The following SPEN variants were observed in gnomAD, a reference collection of about 807,000 sequenced individuals.
SPEN encodes the protein spen family transcriptional repressor.
In SPEN, 18 loss-of-function variants were observed where a neutral mutation model predicts 269.9. The observed-to-expected ratio is 0.07, with a 90% CI of 0.05 to 0.10. SPEN has a LOEUF of 0.10. Ranked by LOEUF, SPEN falls within the 10% of genes least tolerant of loss-of-function variation. The pLI, the probability that SPEN is intolerant of heterozygous loss-of-function variation, is 1.00. For missense variants in SPEN, 3,822 were observed against 4,631.2 expected, an observed-to-expected ratio of 0.83 and a Z score of 5.07; for synonymous variants, 1,726 against 1,765.7, an observed-to-expected ratio of 0.98 and a Z score of 0.56.
intron 1 of SPEN, among the ~76,000 whole-genome samples, chr1:15,864,612 T>G (rs2070481337): frequency 2.1e-5 from 3 of 145,624 alleles, no homozygotes; most frequent in East Asian, 2.0e-4. Flanking sequence ...TGTGGGTTTT[T>G]TTTTTTTTTT....
chr1:15,922,417 A>G (rs1327889136), intron 10 of SPEN, 68 bp downstream of exon 10: 2 of 1,074,724 alleles, frequency 1.9e-6, no homozygotes, highest in Non-Finnish European at 2.7e-6. Flanking sequence ...TTAAGATGGC[A>G]TTAAATTTTA....
At chr1:15,858,893 G>A (rs1407508358) in intron 1 of SPEN, among the ~76,000 whole-genome samples, 4 of 152,160 alleles carry the variant, frequency 2.6e-5, no homozygotes, top group Non-Finnish European at 5.9e-5. Context: ...GCAGTGAGCC[G>A]ATACTGCGCT....
intron 13 of SPEN, 38 bp downstream of exon 13, chr1:15,938,044 T>C (rs764119209): frequency 2.1e-5 from 32 of 1,551,474 alleles, no homozygotes; most frequent in Admixed American, 6.1e-5. Flanking sequence ...CTGCCCCACC[T>C]ACAGGGAGGA....
chr1:15,920,078 A>G (rs1045369855), intron 8 of SPEN, among the ~76,000 whole-genome samples: 34 of 148,866 alleles, frequency 2.3e-4, no homozygotes, highest in Non-Finnish European at 2.1e-4. Context: ...TTATTTATTT[A>G]TTTTTAATTG....
At chr1:15,854,060 C>T (rs1254896045) in intron 1 of SPEN, among the ~76,000 whole-genome samples, 1 of 152,110 alleles carries the variant, frequency 6.6e-6, no homozygotes, top group Non-Finnish European at 1.5e-5. Context: ...CTCTGCCTCC[C>T]AAAGTGCTGG....
intron 1 of SPEN, among the ~76,000 whole-genome samples, chr1:15,858,297 CT>C (rs1291615340): frequency 2.0e-5 from 3 of 152,100 alleles, no homozygotes; most frequent in Non-Finnish European, 4.4e-5. Flanking sequence ...CCCACATCCC[CT>C]TTTCCCAAAT....
At chr1:15,856,152 G>T (rs1346089493) in intron 1 of SPEN, among the ~76,000 whole-genome samples, 1 of 151,322 alleles carries the variant, frequency 6.6e-6, no homozygotes, top group Non-Finnish European at 1.5e-5. Context: ...ACCACACCCG[G>T]CTAATTTTTT....
intron 1 of SPEN, among the ~76,000 whole-genome samples, chr1:15,865,352 G>A (rs1204252651): frequency 6.6e-6 from 1 of 150,770 alleles, no homozygotes; most frequent in Non-Finnish European, 1.5e-5. Flanking sequence ...CACGCCTGGC[G>A]AGTGTGTTTG....
At chr1:15,909,892 G>A (rs1340165506) in intron 4 of SPEN, among the ~76,000 whole-genome samples, 4 of 151,932 alleles carry the variant, frequency 2.6e-5, no homozygotes, top group Non-Finnish European at 4.4e-5. Context: ...TTGGGAGGCC[G>A]AGGCGGGCGG....
In SPEN at chr1:15,935,984, C is replaced by T. The variant is rs1407229457; in HGVS notation, c.9744C>T (p.Ala3248=). The change falls in exon 11 of 15, where the codon GCC becomes GCT. Residue 3248 remains alanine (A), a synonymous_variant. Coordinates refer to ENST00000375759, the MANE Select transcript of SPEN (RefSeq NM_015001.3). The surrounding 1 kb of genome is among the most constrained non-coding windows in gnomAD (Gnocchi z 7.7). ...DAKAAPTPTP[A]PVPVPVPLPA... ...AAGCTGCCCCCACCCCCACCCCTGC[C>T]CCCGTCCCTGTCCCTGTCCCCCTTC... 1.9e-6 allele frequency: 3 copies of T among 1,585,030 alleles called. No homozygotes were observed. Among genetic ancestry groups the T allele is most frequent in the Non-Finnish European group, 1.7e-6 (2 of 1,166,820 alleles).
intron 1 of SPEN, among the ~76,000 whole-genome samples, chr1:15,871,045 C>A (rs1409023009): frequency 6.6e-6 from 1 of 151,662 alleles, no homozygotes; most frequent in Non-Finnish European, 1.5e-5. Flanking sequence ...CGGCCCACTG[C>A]GTCCTCACCG....
chr1:15,849,552 G>T (rs573962958), intron 1 of SPEN, among the ~76,000 whole-genome samples: 5 of 152,154 alleles, frequency 3.3e-5, no homozygotes, highest in Non-Finnish European at 7.3e-5. Context: ...CGGCAGGCCG[G>T]GGGGAGGTGC....
chr1:15,876,173 TTAAA>T (rs760239460), intron 2 of SPEN, 25 bp from the exon 3 acceptor site: 1 of 1,560,838 alleles, frequency 6.4e-7, no homozygotes, highest in East Asian at 2.3e-5. Context: ...TCCTTTCTGA[TTAAA>T]TATTTTTCCC....
chr1:15,930,256 G>A lies in SPEN; in HGVS notation c.4016G>A (p.Arg1339His), dbSNP rs199784733. 56 of 1,614,036 alleles carry A rather than the reference G, an allele frequency of 3.5e-5. No individual in the cohort carries two copies. Among genetic ancestry groups the A allele is most frequent in the Non-Finnish European group, 4.2e-5 (49 of 1,180,032 alleles). The change falls in exon 11 of 15, where the codon CGT becomes CAT. Residue 1339 changes from arginine (R) to histidine (H), a missense_variant. Coordinates refer to ENST00000375759, the MANE Select transcript of SPEN (RefSeq NM_015001.3). This position sits in a 1 kb window ranked among gnomAD's most constrained non-coding sequence, Gnocchi z 5.3. ...SVLNSEDELN[R>H]WDSQMKQDAG... The stretch of plus-strand genomic sequence containing the variant: ...TTGAATTCTGAAGATGAACTAAATC[G>A]TTGGGACTCTCAGATGAAACAGGAT...
Position 15,930,577 on chromosome 1 carries a change from C to G in SPEN, c.4337C>G (p.Ala1446Gly). ...LDKTITPDTK[A>G]LLERAKSLSS... ...AAGACAATCACACCAGACACTAAAG[C>G]TTTGCTTGAAAGAGCTAAATCCCTC... The change falls in exon 11 of 15, where the codon GCT becomes GGT. Residue 1446 changes from alanine to glycine, a missense_variant. Around this residue, in one of 16 missense-constraint regions of SPEN, gnomAD observed 267 missense variants for 315.5 expected, o/e 0.85. Coordinates refer to ENST00000375759, the MANE Select transcript of SPEN (RefSeq NM_015001.3). This position sits in a 1 kb window ranked among gnomAD's most constrained non-coding sequence, Gnocchi z 5.3. 6.2e-7 allele frequency: 1 copy of G among 1,614,080 alleles called. No homozygotes were observed.
At chr1:15,914,610 G>C (rs2071039755) in intron 5 of SPEN, among the ~76,000 whole-genome samples, 1 of 152,134 alleles carries the variant, frequency 6.6e-6, no homozygotes, top group African/African-American at 2.4e-5. Flanking sequence ...ATCACCTGAG[G>C]TCAGGAGTTC....
Position 15,931,708 on chromosome 1 carries a change from G to A in SPEN, c.5468G>A (p.Arg1823His), listed in dbSNP as rs763428386. The change falls in exon 11 of 15, where the codon CGT (arginine) becomes CAT (histidine). Residue 1823 changes from arginine (R) to histidine (H), a missense_variant. Physicochemically the swap from Arg to His is conservative, Grantham distance 29. Transcript: ENST00000375759. This position sits in a 1 kb window ranked among gnomAD's most constrained non-coding sequence, Gnocchi z 4.8. ...GATAAAAAGCCAAACAAAAGCAAGC[G>A]TTCAAAGACCCCTGTTCAGGCAGCT... ...AKDKKPNKSK[R>H]SKTPVQAAAV... is the part of the protein sequence containing the mutation. 48 of 1,614,014 alleles carry A rather than the reference G, an allele frequency of 3.0e-5. No individual in the cohort carries two copies. Among genetic ancestry groups the A allele is most frequent in the Non-Finnish European group, 3.7e-5 (44 of 1,180,026 alleles).
chr1:15,862,403 G>A (rs1043485228), intron 1 of SPEN, among the ~76,000 whole-genome samples: 1 of 152,242 alleles, frequency 6.6e-6, no homozygotes, highest in South Asian at 2.1e-4. Flanking sequence ...AATGGTCATC[G>A]TGATTATTTA....
In SPEN at chr1:15,937,287, A is replaced by C. The variant is rs1328669494; in HGVS notation, c.10151A>C (p.Lys3384Thr). The C allele has an allele frequency of 6.2e-7, 1 of 1,613,866 alleles. No individual in the cohort carries two copies. Among genetic ancestry groups the C allele is most frequent in the South Asian group, 1.1e-5 (1 of 91,072 alleles). The change falls in exon 12 of 15, where the codon AAG becomes ACG. Residue 3384 changes from lysine (K) to threonine (T), a missense_variant. Lys to Thr is a moderately conservative substitution (Grantham distance 78, BLOSUM62 -1). Coordinates refer to ENST00000375759, the MANE Select transcript of SPEN (RefSeq NM_015001.3). This position sits in a 1 kb window ranked among gnomAD's most constrained non-coding sequence, Gnocchi z 5.7. Reference sequence around the variant, plus strand: ...CAGCCCGGCCAGCCACCAAGCAGCAAGATGCCTCAAGTGTCCCAGGAGGCA... The same window carrying C: ...CAGCCCGGCCAGCCACCAAGCAGCACGATGCCTCAAGTGTCCCAGGAGGCA... ...LGQPGQPPSS[K>T]MPQVSQEAKG...
Sources: allele counts gnomAD v4.1 joint callset (sites outside exome capture counted in the v4.1 genomes callset), GRCh38; gene constraint gnomAD v4.1.1; regional missense constraint gnomAD v4.1.1; non-coding constraint Gnocchi (gnomAD v3.1); transcripts MANE v1.5; gene names NCBI Gene and HGNC (gene_info 2026-07-23, HGNC 2026-07-21).